EYS: variants seen among roughly 807,000 people sequenced by gnomAD.
EYS encodes the protein EGF-like photoreceptor maintenance factor.
In EYS, 250 loss-of-function variants were observed where a neutral mutation model predicts 282.1. The ratio of observed to expected loss-of-function variants is 0.89; its 90% CI spans 0.80 to 0.98. The LOEUF is 0.98. Ranked by LOEUF, EYS falls within the 50% of genes least tolerant of loss-of-function variation. The pLI is 0.00. For synonymous variants in EYS, 1,355 were observed against 1,282.9 expected (o/e 1.06, Z -1.20); for missense variants, 4,016 against 3,709.0 (o/e 1.08, Z -2.15).
intron 30 of EYS, among the ~76,000 whole-genome samples, chr6:64,253,532 T>A (rs1217847077): frequency 6.6e-6 from 1 of 152,164 alleles, no homozygotes; most frequent in Non-Finnish European, 1.5e-5. Context: ...CTACAAATTA[T>A]TTCCTGGTCT....
intron 31 of EYS, among the ~76,000 whole-genome samples, chr6:64,105,122 A>T (rs1772964574): frequency 6.6e-6 from 1 of 151,990 alleles, no homozygotes; most frequent in Non-Finnish European, 1.5e-5. Context: ...GAAAATTCAA[A>T]GTGTGAGGAA....
intron 31 of EYS, among the ~76,000 whole-genome samples, chr6:64,211,560 CAT>C (rs201985041): frequency 6.2e-5 from 9 of 144,722 alleles, no homozygotes; most frequent in African/African-American, 1.5e-4. Context: ...TAATCTAATT[CAT>C]ATATATATAT....
At chr6:64,321,645 G>A (rs949154095) in intron 29 of EYS, among the ~76,000 whole-genome samples, 2 of 151,756 alleles carry the variant, frequency 1.3e-5, no homozygotes, top group African/African-American at 2.4e-5. Flanking sequence ...CCAAGGCTTG[G>A]GAACTTGGAA....
intron 2 of EYS, among the ~76,000 whole-genome samples, chr6:65,542,077 C>T (rs561840239): frequency 1.3e-5 from 2 of 152,226 alleles, no homozygotes; most frequent in South Asian, 2.1e-4. Flanking sequence ...ATTGACTGCA[C>T]ACTTTGCAAA....
intron 11 of EYS, among the ~76,000 whole-genome samples, chr6:65,324,954 A>G (rs1428229774): frequency 6.6e-6 from 1 of 152,170 alleles, no homozygotes; most frequent in African/African-American, 2.4e-5. Context: ...GAAGTAAAAG[A>G]TATTTTAGCA....
intron 12 of EYS, among the ~76,000 whole-genome samples, chr6:65,093,152 C>T (rs188752583): frequency 1.7e-4 from 26 of 152,110 alleles, no homozygotes; most frequent in Admixed American, 1.4e-3. Context: ...ACTCAAAGTG[C>T]TGAAAGCAAA....
intron 13 of EYS, among the ~76,000 whole-genome samples, chr6:65,038,092 TAAAC>T (rs1316933587): frequency 6.6e-6 from 1 of 151,546 alleles, no homozygotes; most frequent in African/African-American, 2.4e-5. Flanking sequence ...AATTAATAAT[TAAAC>T]AAATCTAATA....
At chr6:65,234,207 G>A (rs1766863011) in intron 12 of EYS, among the ~76,000 whole-genome samples, 1 of 152,180 alleles carries the variant, frequency 6.6e-6, no homozygotes, top group African/African-American at 2.4e-5. Context: ...AGCCTCTCCT[G>A]TGGGCAGAAC....
intron 13 of EYS, among the ~76,000 whole-genome samples, chr6:65,050,350 T>A (rs2150154083): frequency 6.6e-6 from 1 of 151,766 alleles, no homozygotes; most frequent in South Asian, 2.1e-4. Context: ...ACTGTTTAAT[T>A]GCTAGACAGA....
At chr6:63,836,208 A>T (rs1222740015) in intron 36 of EYS, among the ~76,000 whole-genome samples, 1 of 152,086 alleles carries the variant, frequency 6.6e-6, no homozygotes, top group African/African-American at 2.4e-5. Context: ...TTACTGATAT[A>T]TTCTGTAACA....
intron 22 of EYS, among the ~76,000 whole-genome samples, chr6:64,646,732 G>A (rs1308284213): frequency 1.3e-5 from 2 of 151,896 alleles, no homozygotes; most frequent in Admixed American, 6.6e-5. Context: ...GTGAACCCGG[G>A]AGGTGGAGCT....
At chr6:65,249,107 G>A (rs1204401749) in intron 12 of EYS, among the ~76,000 whole-genome samples, 3 of 149,892 alleles carry the variant, frequency 2.0e-5, no homozygotes, top group Admixed American at 6.6e-5. Flanking sequence ...TGAACAAACT[G>A]TGGAATAAAA....
At chr6:65,383,534 T>C (rs1385382713) in intron 8 of EYS, among the ~76,000 whole-genome samples, 1 of 151,872 alleles carries the variant, frequency 6.6e-6, no homozygotes, top group Middle Eastern at 3.4e-3. Context: ...TTATTTATTC[T>C]ATCTTCATGT....
chr6:65,291,144 T>A (rs1768513894), intron 12 of EYS, among the ~76,000 whole-genome samples: 2 of 151,592 alleles, frequency 1.3e-5, no homozygotes, highest in African/African-American at 4.8e-5. Context: ...CTAAGTAAGA[T>A]ACACTTCTCA....
At chr6:65,516,034 G>GA (rs1767120142) in intron 2 of EYS, among the ~76,000 whole-genome samples, 1 of 151,080 alleles carries the variant, frequency 6.6e-6, no homozygotes, top group Non-Finnish European at 1.5e-5. Context: ...TATTAAGACT[G>GA]AAAAATATTT....
chr6:64,766,643 AAAAAAAATATATATATAT>A (rs1773349615), intron 22 of EYS, among the ~76,000 whole-genome samples: 2 of 10,032 alleles, frequency 2.0e-4, no homozygotes, highest in Non-Finnish European at 3.9e-4. Flanking sequence ...AAAAAAAAAA[AAAAAAAATATATATATAT>A]ATATATATAT....
intron 2 of EYS, among the ~76,000 whole-genome samples, chr6:65,587,778 A>G (rs750990825): frequency 1.8e-4 from 27 of 152,142 alleles, no homozygotes; most frequent in Non-Finnish European, 3.1e-4. Context: ...ATATTATATT[A>G]CACTTTCATA....
intron 14 of EYS, among the ~76,000 whole-genome samples, chr6:64,992,020 G>A (rs560178319): frequency 2.8e-4 from 42 of 151,638 alleles, no homozygotes; most frequent in Admixed American, 6.6e-4. Context: ...ATCACAAGGC[G>A]TTATAAATTA....
chr6:64,731,199 C>G (rs917863274), intron 22 of EYS, among the ~76,000 whole-genome samples: 3 of 151,846 alleles, frequency 2.0e-5, no homozygotes, highest in African/African-American at 7.3e-5. Flanking sequence ...TAGGCAATAC[C>G]ATCCAGGACA....
Sources: gnomAD v4.1 joint callset for allele counts (sites outside exome capture counted in the v4.1 genomes callset) on GRCh38, gnomAD v4.1.1 for gene constraint, MANE v1.5 for transcripts, NCBI Gene and HGNC (gene_info 2026-07-23, HGNC 2026-07-21) for gene names.